Variants in GRAMD1B observed in about 807,000 individuals in gnomAD.
GRAMD1B encodes the protein GRAM domain containing 1B, also known as protein Aster-B.
GRAMD1B carries 37 observed loss-of-function variants against 99.7 expected under a neutral mutation model. The observed-to-expected ratio is 0.37, with a 90% CI of 0.29 to 0.49. The LOEUF (loss-of-function observed/expected upper bound fraction) is 0.49. GRAMD1B is among the 20% of genes least tolerant of loss of function. The pLI, the probability that GRAMD1B is intolerant of heterozygous loss-of-function variation, is 0.98. For synonymous variants in GRAMD1B, 427 were observed against 387.6 expected (o/e 1.10, Z -1.19); for missense variants, 888 against 1,009.2 (o/e 0.88, Z 1.63).
chr11:123,370,385 G>C (rs1946486153), intron 1 of GRAMD1B, among the ~76,000 whole-genome samples: 1 of 137,976 alleles, frequency 7.2e-6, no homozygotes, highest in Non-Finnish European at 1.5e-5. Context: ...CTGTCGCCCA[G>C]GCTGGAGTGC....
At chr11:123,569,977 C>T (rs1427517649) in intron 2 of GRAMD1B, among the ~76,000 whole-genome samples, 1 of 152,228 alleles carries the variant, frequency 6.6e-6, no homozygotes, top group Non-Finnish European at 1.5e-5. Flanking sequence ...GATTCTTCCA[C>T]ATTAGCAATT....
Position 123,584,295 on chromosome 11 carries a change from T to A in GRAMD1B, c.664-17T>A. Reference sequence around the variant, plus strand: ...TCCCTGACTAATTCTACCTTCTCTTTCATTTTCTCTTTTCAGAAAAGCCAG... The same window carrying A: ...TCCCTGACTAATTCTACCTTCTCTTACATTTTCTCTTTTCAGAAAAGCCAG... On this transcript the variant is annotated splice_polypyrimidine_tract_variant and intron_variant, in intron 3 of 19. Transcript: ENST00000635736. The A allele has an allele frequency of 1.1e-6, 1 of 947,830 alleles. No individual in the cohort carries two copies. Among genetic ancestry groups the A allele is most frequent in the Non-Finnish European group, 1.3e-6 (1 of 742,644 alleles). The allele number at this position is 947,830 out of a possible 1,614,324, so 58.7% of individuals were successfully genotyped here. A position where few individuals can be genotyped will look rare whatever the true frequency, so the allele number is the denominator to read the frequency against.
In GRAMD1B at chr11:123,587,099, C is replaced by T. The variant is rs1050897583; in HGVS notation, c.684+2767C>T. Among the ~76,000 whole-genome samples, 4 of 152,224 alleles carry T rather than the reference C, an allele frequency of 2.6e-5. No homozygotes were observed. The highest frequency in any genetic ancestry group is 9.6e-5 in the African/African-American group (4 of 41,472). Reference sequence around the variant, plus strand: ...GCCACCAACCAGTCCATGCCCCAGCCTCCCCTTCACCTGCTGCCTCTCTGC... The same window carrying T: ...GCCACCAACCAGTCCATGCCCCAGCTTCCCCTTCACCTGCTGCCTCTCTGC... On this transcript the variant is annotated intron_variant, in intron 4 of 19. Coordinates refer to ENST00000635736, the MANE Select transcript of GRAMD1B (RefSeq NM_001387025.1). The surrounding 1 kb of genome is among the most constrained non-coding windows in gnomAD (Gnocchi z 4.2).
Position 123,608,659 on chromosome 11 carries a change from G to A in GRAMD1B, c.1514G>A (p.Gly505Glu). ...LSDSSDTHDE[G>E]EVQAFYEDLS... ...CTTCCTGATCCTCTCTTCTGTGCAG[G>A]AGAGGTCCAGGCCTTCTATGAGGAC... The change falls in exon 12 of 20, where the codon GGA (glycine) becomes GAA (glutamate). Residue 505 changes from glycine (G) to glutamate (E), a missense_variant and splice_region_variant. Around this residue, in one of 5 missense-constraint regions of GRAMD1B, gnomAD observed 269 missense variants for 296.6 expected, o/e 0.91. Coordinates refer to ENST00000635736, the MANE Select transcript of GRAMD1B (RefSeq NM_001387025.1). 1 of 1,578,170 alleles carries A rather than the reference G, an allele frequency of 6.3e-7. No individual in the cohort carries two copies. Among genetic ancestry groups the A allele is most frequent in the Non-Finnish European group, 8.6e-7 (1 of 1,161,014 alleles).
intron 7 of GRAMD1B, among the ~76,000 whole-genome samples, chr11:123,597,687 C>T (rs370676555): frequency 3.9e-5 from 6 of 152,312 alleles, no homozygotes; most frequent in African/African-American, 4.8e-5. Flanking sequence ...TAAGACCAGA[C>T]GCACTGAGTT....
At chr11:123,428,560 C>A (rs1378446319), upstream of GRAMD1B, among the ~76,000 whole-genome samples, 2 of 152,216 alleles carry the variant, frequency 1.3e-5, no homozygotes, top group Non-Finnish European at 2.9e-5. Context: ...CCCTTGGTTT[C>A]CCAGCCTCTC....
intron 2 of GRAMD1B, among the ~76,000 whole-genome samples, chr11:123,572,701 TGAGACATG>T (rs1225842013): frequency 1.3e-5 from 2 of 151,810 alleles, no homozygotes; most frequent in African/African-American, 4.8e-5. Context: ...GAGAGATTGC[TGAGACATG>T]GAAGAGTGAG....
intron 1 of GRAMD1B, among the ~76,000 whole-genome samples, chr11:123,474,758 A>C (rs548317742): frequency 1.4e-3 from 220 of 152,248 alleles, no homozygotes; most frequent in African/African-American, 5.0e-3. Flanking sequence ...TATAACTGCC[A>C]CTCAGAGCCT....
chr11:123,552,419 G>GC (rs1340086641), intron 2 of GRAMD1B, among the ~76,000 whole-genome samples: 1 of 151,402 alleles, frequency 6.6e-6, no homozygotes, highest in African/African-American at 2.4e-5. Flanking sequence ...GGATTACAGG[G>GC]GTGCATCACC....
chr11:123,520,695 CTG>C (rs1468855830), intron 2 of GRAMD1B, among the ~76,000 whole-genome samples: 1 of 148,124 alleles, frequency 6.8e-6, no homozygotes, highest in Admixed American at 6.8e-5. Flanking sequence ...GGGTGAATCA[CTG>C]GAGCCCAGGA....
intron 1 of GRAMD1B, among the ~76,000 whole-genome samples, chr11:123,364,188 G>C (rs1442186534): frequency 2.6e-5 from 4 of 152,196 alleles, no homozygotes; most frequent in African/African-American, 9.7e-5. Context: ...GCAATAAAGA[G>C]TGATGTTGAG....
Position 123,410,413 on chromosome 11 carries a change from C to G in GRAMD1B, c.-176+51614C>G, listed in dbSNP as rs189329206. 2.0e-5 allele frequency among the ~76,000 whole-genome samples: 3 copies of G among 152,182 alleles called. No homozygotes were observed. The East Asian group carries it at 5.8e-4, about 29-fold the overall frequency. ...GAGAGAAGCAGAAGATTTCTTGCCC[C>G]AAACTCCTGAGAGAGAGCAAAAACA... On this transcript the variant is annotated intron_variant, in intron 1 of 20. Coordinates refer to the GRAMD1B transcript ENST00000638157.
At chr11:123,437,923 CGCTCTGTGTGTGCCCT>C (rs780703976) in intron 1 of GRAMD1B, among the ~76,000 whole-genome samples, 1 of 152,174 alleles carries the variant, frequency 6.6e-6, no homozygotes, top group Non-Finnish European at 1.5e-5. Flanking sequence ...GTAGCTTCTC[CGCTCTGTGTGTGCCCT>C]GCTACATATG....
chr11:123,596,481 A>T (rs1951287714), intron 7 of GRAMD1B, among the ~76,000 whole-genome samples: 1 of 152,258 alleles, frequency 6.6e-6, no homozygotes, highest in Admixed American at 6.5e-5. Flanking sequence ...GGGGAGTCTG[A>T]TAGAAAATGG....
intron 1 of GRAMD1B, among the ~76,000 whole-genome samples, chr11:123,367,926 G>A (rs184726503): frequency 4.6e-5 from 7 of 152,046 alleles, no homozygotes; most frequent in African/African-American, 1.4e-4. Flanking sequence ...ATCAAAATTC[G>A]GTAGCAGGTG....
chr11:123,435,395 G>A (rs1436162984), intron 1 of GRAMD1B: 1 of 688,510 alleles, frequency 1.5e-6, no homozygotes, highest in East Asian at 2.7e-5. Context: ...TTCATTATTT[G>A]TTTGTTTGTT....
intron 4 of GRAMD1B, among the ~76,000 whole-genome samples, chr11:123,590,250 G>T (rs956203033): frequency 1.3e-5 from 2 of 152,174 alleles, no homozygotes; most frequent in Non-Finnish European, 2.9e-5. Flanking sequence ...CACCACCAGC[G>T]TGTCTGAAAC....
intron 2 of GRAMD1B, among the ~76,000 whole-genome samples, chr11:123,521,796 C>T (rs1942216519): frequency 6.6e-6 from 1 of 152,178 alleles, no homozygotes; most frequent in Admixed American, 6.5e-5. Flanking sequence ...GAGGTAGTTG[C>T]CTCTTGATTC....
chr11:123,579,192 C>T (rs1045613085), intron 3 of GRAMD1B, among the ~76,000 whole-genome samples: 5 of 152,204 alleles, frequency 3.3e-5, no homozygotes, highest in African/African-American at 4.8e-5. Context: ...CACAGGAGAA[C>T]GTGCAGCGAG....
Sources: gnomAD v4.1 joint callset for allele counts (sites outside exome capture counted in the v4.1 genomes callset) on GRCh38, gnomAD v4.1.1 for gene constraint, gnomAD v4.1.1 regional missense constraint, Gnocchi (gnomAD v3.1) non-coding constraint, MANE v1.5 for transcripts, NCBI Gene and HGNC (gene_info 2026-07-23, HGNC 2026-07-21) for gene names.